Variants in PCDHAC2 observed in about 807,000 individuals in gnomAD.
The protein encoded by PCDHAC2 is protocadherin alpha-C2.
PCDHAC2 carries 24 observed loss-of-function variants against 63.3 expected under a neutral mutation model. That is an observed-to-expected ratio of 0.38 (90% CI 0.27 to 0.53). The LOEUF (loss-of-function observed/expected upper bound fraction) is 0.53, where lower values mean the gene tolerates loss of function less well. Ranked by LOEUF, PCDHAC2 falls within the 20% of genes least tolerant of loss-of-function variation. PCDHAC2 has a pLI of 0.81. For synonymous variants in PCDHAC2, 569 were observed against 529.4 expected (o/e 1.07, Z -1.03); for missense variants, 1,181 against 1,275.2 (o/e 0.93, Z 1.12).
At position 140,978,807 on chromosome 5, in the gene PCDHAC2, A is replaced by G. The variant is rs1489269679; in HGVS notation, c.2566-142A>G. 3.3e-6 allele frequency: 5 copies of G among 1,494,726 alleles called. No individual in the cohort carries two copies. In the African/African-American group the frequency reaches 4.2e-5, roughly 12 times the overall value. The allele number at this position is 1,494,726 out of a possible 1,614,324, so 92.6% of individuals were successfully genotyped here. A position where few individuals can be genotyped will look rare whatever the true frequency, so the allele number is the denominator to read the frequency against. ...AAGTGCTATATATGTAGATATCATC[A>G]TAGAGTTACACATGAAATGGCTCAT... On this transcript the variant is annotated intron_variant, in intron 1 of 3. Coordinates refer to ENST00000289269, the MANE Select transcript of PCDHAC2 (RefSeq NM_018899.6).
At chr5:140,994,036 A>G (rs1176195849) in intron 3 of PCDHAC2, among the ~76,000 whole-genome samples, 1 of 152,210 alleles carries the variant, frequency 6.6e-6, no homozygotes, top group African/African-American at 2.4e-5. Flanking sequence ...AATATTAAAT[A>G]TAACACAGTC....
At chr5:140,979,710 A>G (rs1178718053) in intron 2 of PCDHAC2, among the ~76,000 whole-genome samples, 1 of 152,268 alleles carries the variant, frequency 6.6e-6, no homozygotes, top group Non-Finnish European at 1.5e-5. Flanking sequence ...GAGGTGATCC[A>G]GTATCCATGC....
intron 3 of PCDHAC2, among the ~76,000 whole-genome samples, chr5:141,002,612 C>G (rs1487847560): frequency 1.3e-5 from 2 of 152,178 alleles, no homozygotes; most frequent in Non-Finnish European, 2.9e-5. Context: ...AAAACAGACA[C>G]ATAACACAGA....
At chr5:140,970,585 T>G (rs1554232585) in intron 1 of PCDHAC2, among the ~76,000 whole-genome samples, 2 of 152,244 alleles carry the variant, frequency 1.3e-5, no homozygotes, top group Non-Finnish European at 2.9e-5. Context: ...ATAACAGAGA[T>G]ATGCTTTGTG....
At position 140,967,505 on chromosome 5, in the gene PCDHAC2, G is replaced by C. The variant is rs782818141; in HGVS notation, c.739G>C (p.Val247Leu). The C allele has an allele frequency of 2.4e-5, 39 of 1,612,940 alleles. No homozygotes were observed. The highest frequency in any genetic ancestry group is 3.2e-5 in the Non-Finnish European group (38 of 1,179,210). ...RSGTAQISVR[V>L]LDTNDNSPAF... ...GGGTACGGCACAGATCTCTGTGCGT[G>C]TCCTGGACACTAACGACAACTCTCC... The change falls in exon 1 of 4, where the codon GTC (valine) becomes CTC (leucine). Residue 247 changes from valine (V) to leucine (L), a missense_variant. Physicochemically the swap from Val to Leu is conservative, Grantham distance 32. Transcript: ENST00000289269.
chr5:140,972,837 T>C (rs1328315293), intron 1 of PCDHAC2, among the ~76,000 whole-genome samples: 1 of 152,004 alleles, frequency 6.6e-6, no homozygotes, highest in Non-Finnish European at 1.5e-5. Context: ...CTAATTTTTG[T>C]ATTTTTAGTA....
chr5:141,010,016 CT>C lies in PCDHAC2; in HGVS notation c.*84del. 1 of 1,572,200 alleles carries C rather than the reference CT, an allele frequency of 6.4e-7. No homozygotes were observed. The highest frequency in any genetic ancestry group is 8.6e-7 in the Non-Finnish European group (1 of 1,163,240). On this transcript the variant is annotated 3_prime_UTR_variant, in exon 4 of 4. Transcript: ENST00000289269. Reference sequence around the variant, plus strand: ...TCTCCCATGTAGCAATTCCCTGCTCCTTTTTCCTATCTACATGAGCCCTCTT... The same window carrying C: ...TCTCCCATGTAGCAATTCCCTGCTCCTTTTCCTATCTACATGAGCCCTCTT...
intron 3 of PCDHAC2, among the ~76,000 whole-genome samples, chr5:140,985,179 C>T (rs1056430017): frequency 5.9e-5 from 9 of 152,132 alleles, no homozygotes; most frequent in African/African-American, 1.9e-4. Flanking sequence ...CCTCGTAATC[C>T]GCCTGCCTCG....
chr5:140,977,345 T>C lies in PCDHAC2; in HGVS notation c.2566-1604T>C, dbSNP rs139865600. Among the ~76,000 whole-genome samples, 25 of 152,342 alleles carry C rather than the reference T, an allele frequency of 1.6e-4. No homozygotes were observed. In the East Asian group the frequency reaches 4.8e-3, roughly 29 times the overall value. ...ATGGCGAGGGGAGAGACGGTGATGATGACTGATTGATAAAAAGTATTTTAG... is the reference window on the plus strand; with the variant it reads ...ATGGCGAGGGGAGAGACGGTGATGACGACTGATTGATAAAAAGTATTTTAG... On this transcript the variant is annotated intron_variant, in intron 1 of 3. Transcript: ENST00000289269.
intron 1 of PCDHAC2, among the ~76,000 whole-genome samples, chr5:140,971,278 ATATTAATATG>A (rs1408088373): frequency 6.6e-6 from 1 of 152,208 alleles, no homozygotes; most frequent in African/African-American, 2.4e-5. Context: ...ACTGACCTGT[ATATTAATATG>A]TACTTTGGTA....
At position 141,009,997 on chromosome 5, in the gene PCDHAC2, A is replaced by C; in HGVS notation, c.*60A>C. 1 of 1,576,442 alleles carries C rather than the reference A, an allele frequency of 6.3e-7. No individual in the cohort carries two copies. The highest frequency in any genetic ancestry group is 2.2e-5 in the East Asian group (1 of 44,650). On this transcript the variant is annotated 3_prime_UTR_variant, in exon 4 of 4. Transcript: ENST00000289269. ...TTTGTAATAATGGCAAATCTCTCCC[A>C]TGTAGCAATTCCCTGCTCCTTTTTC...
intron 3 of PCDHAC2, among the ~76,000 whole-genome samples, chr5:141,006,117 T>C (rs2098255751): frequency 6.6e-6 from 1 of 152,094 alleles, no homozygotes; most frequent in African/African-American, 2.4e-5. Flanking sequence ...TTTTTTTTTT[T>C]TTCTCAAGGC....
At chr5:140,971,958 C>CT (rs1176007834) in intron 1 of PCDHAC2, among the ~76,000 whole-genome samples, 3 of 152,054 alleles carry the variant, frequency 2.0e-5, no homozygotes, top group African/African-American at 4.8e-5. Context: ...ACTCCAAAAA[C>CT]TTTTTTTCAA....
intron 1 of PCDHAC2, among the ~76,000 whole-genome samples, chr5:140,974,689 T>A (rs2153804618): frequency 1.3e-5 from 2 of 152,208 alleles, no homozygotes; most frequent in South Asian, 4.1e-4. Flanking sequence ...TTTTGTATTT[T>A]TGGGTTTCAC....
At chr5:140,992,318 C>G (rs2097504992) in intron 3 of PCDHAC2, among the ~76,000 whole-genome samples, 1 of 152,128 alleles carries the variant, frequency 6.6e-6, no homozygotes, top group African/African-American at 2.4e-5. Flanking sequence ...TGGGCATTCC[C>G]TTTTCTAAGA....
intron 2 of PCDHAC2, among the ~76,000 whole-genome samples, chr5:140,981,152 C>T (rs1340087244): frequency 6.6e-6 from 1 of 152,210 alleles, no homozygotes; most frequent in African/African-American, 2.4e-5. Flanking sequence ...AAACATTGAA[C>T]TTATATGTTG....
In PCDHAC2 at chr5:140,967,530, C is replaced by T; in HGVS notation, c.764C>T (p.Pro255Leu). 1 of 1,613,178 alleles carries T rather than the reference C, an allele frequency of 6.2e-7. No homozygotes were observed. The highest frequency in any genetic ancestry group is 8.5e-7 in the Non-Finnish European group (1 of 1,179,292). The change falls in exon 1 of 4, where the codon CCT becomes CTT. Residue 255 changes from proline (P) to leucine (L), a missense_variant. Coordinates refer to ENST00000289269, the MANE Select transcript of PCDHAC2 (RefSeq NM_018899.6). Reference protein sequence around the residue: ...VRVLDTNDNSPAFDQSTYRVQ... With the variant: ...VRVLDTNDNSLAFDQSTYRVQ... ...GTCCTGGACACTAACGACAACTCTC[C>T]TGCCTTTGACCAGTCCACTTATCGC...
intron 3 of PCDHAC2, among the ~76,000 whole-genome samples, chr5:140,985,614 C>G (rs2097160648): frequency 6.6e-6 from 1 of 152,100 alleles, no homozygotes; most frequent in East Asian, 1.9e-4. Flanking sequence ...TTCCGTGAAC[C>G]AGCTGTGTAT....
Position 140,966,712 on chromosome 5 carries a change from TG to T in PCDHAC2, c.-51del. On this transcript the variant is annotated 5_prime_UTR_variant, in exon 1 of 4. Coordinates refer to ENST00000289269, the MANE Select transcript of PCDHAC2 (RefSeq NM_018899.6). ...GCGGGGCCCGGGCGTGGGGCACGGC[TG>T]GGGAAGCTGCCGCCTCCGGCCCTGC... is the stretch of plus-strand genomic sequence containing the variant. 1 of 1,392,090 alleles carries T rather than the reference TG, an allele frequency of 7.2e-7. No homozygotes were observed. The highest frequency in any genetic ancestry group is 1.6e-5 in the South Asian group (1 of 61,404). 86.2% of individuals were successfully genotyped at this position (1,392,090 alleles called of 1,614,324 possible).
Sources: allele counts gnomAD v4.1 joint callset (sites outside exome capture counted in the v4.1 genomes callset), GRCh38; gene constraint gnomAD v4.1.1; transcripts MANE v1.5; gene names NCBI Gene and HGNC (gene_info 2026-07-23, HGNC 2026-07-21).